Variants in SLC16A1 observed in about 807,000 individuals in gnomAD.
SLC16A1 encodes the protein solute carrier family 16 member 1, also known as monocarboxylate transporter 1.
Under a neutral mutation model 32.2 loss-of-function variants are expected in SLC16A1, and 11 were observed. That is an observed-to-expected ratio of 0.34 (90% CI 0.21 to 0.56). The LOEUF (loss-of-function observed/expected upper bound fraction) is 0.56, where lower values mean the gene tolerates loss of function less well. Among genes scored for constraint, SLC16A1 ranks in the 20% least tolerant of loss-of-function variants. The probability of loss-of-function intolerance (pLI) is 0.87; values close to 1 mark genes in which losing one functional copy is unlikely to be tolerated. For missense variants in SLC16A1, 435 were observed against 615.0 expected, an observed-to-expected ratio of 0.71 and a Z score of 3.10; for synonymous variants, 231 against 226.8, an observed-to-expected ratio of 1.02 and a Z score of -0.17.
At chr1:112,918,131 G>A in intron 3 of SLC16A1, 87 bp from the exon 4 acceptor site, 2 of 1,010,740 alleles carry the variant, frequency 2.0e-6, no homozygotes, top group Non-Finnish European at 2.5e-6. Context: ...GGAAGGAATA[G>A]GATATAAATC....
chr1:112,936,906 G>T (rs975768413), intron 1 of SLC16A1, among the ~76,000 whole-genome samples: 8 of 152,090 alleles, frequency 5.3e-5, no homozygotes, highest in African/African-American at 1.9e-4. Context: ...CTAGGATTTG[G>T]GTGAGATAAA....
Position 112,930,329 on chromosome 1 carries a change from GA to G in SLC16A1, c.-44-978del, listed in dbSNP as rs545076425. ...CTACAATTGCTTGGTATATGTGGGG[GA>G]AAAAAACCCCCACACTTCTGGTTAC... is the stretch of plus-strand genomic sequence containing the variant. On this transcript the variant is annotated intron_variant, in intron 1 of 4. Transcript: ENST00000369626. Among the ~76,000 whole-genome samples, 1,078 of 152,006 alleles carry G rather than the reference GA, an allele frequency of 7.1e-3. 5 individuals are homozygous for G. Among genetic ancestry groups the G allele is most frequent in the Non-Finnish European group, 8.3e-3 (561 of 67,956 alleles).
intron 2 of SLC16A1, among the ~76,000 whole-genome samples, chr1:112,926,694 C>T (rs1378124923): frequency 6.6e-6 from 1 of 151,946 alleles, no homozygotes. Flanking sequence ...GGCAACATTG[C>T]AACAACCCAT....
chr1:112,944,692 A>G (rs1366724491), intron 1 of SLC16A1, among the ~76,000 whole-genome samples: 1 of 152,154 alleles, frequency 6.6e-6, no homozygotes, highest in Non-Finnish European at 1.5e-5. Flanking sequence ...TTCCATTAAT[A>G]TCAGAAACTT....
chr1:112,924,255 G>C (rs181535539), intron 2 of SLC16A1: 1 of 1,499,178 alleles, frequency 6.7e-7, no homozygotes, highest in East Asian at 2.3e-5. Context: ...GGCAGCGGCA[G>C]AGGAAGGGCC....
intron 3 of SLC16A1, 36 bp from the exon 4 acceptor site, chr1:112,918,080 A>C: frequency 9.0e-7 from 1 of 1,113,914 alleles, no homozygotes; most frequent in Non-Finnish European, 1.1e-6. Flanking sequence ...AAATAAATAA[A>C]TAAATAAATA....
chr1:112,928,948 T>C (rs1262428097), intron 2 of SLC16A1, 144 bp downstream of exon 2: 2 of 656,618 alleles, frequency 3.0e-6, no homozygotes, highest in Non-Finnish European at 5.3e-6. Flanking sequence ...GAATGAAAAA[T>C]GTGACTCTAA....
chr1:112,952,586 G>T (rs1347022653), intron 1 of SLC16A1, among the ~76,000 whole-genome samples: 1 of 152,148 alleles, frequency 6.6e-6, no homozygotes, highest in African/African-American at 2.4e-5. Flanking sequence ...TTATCTTTCA[G>T]ATATCTATAT....
intron 2 of SLC16A1, chr1:112,924,209 G>C: frequency 6.6e-7 from 1 of 1,516,768 alleles, no homozygotes; most frequent in Non-Finnish European, 9.2e-7. Context: ...CAGTCATCCT[G>C]GGCATGTCCA....
At chr1:112,924,185 T>C (rs980919345) in intron 2 of SLC16A1, 2 of 1,505,402 alleles carry the variant, frequency 1.3e-6, no homozygotes, top group African/African-American at 2.8e-5. Context: ...AGCTGCAGGG[T>C]GCCCACGGGG....
At chr1:112,931,962 G>A (rs777627654) in intron 1 of SLC16A1, among the ~76,000 whole-genome samples, 1 of 152,108 alleles carries the variant, frequency 6.6e-6, no homozygotes, top group Non-Finnish European at 1.5e-5. Context: ...GAGATGACAA[G>A]TTCACTCTTG....
intron 2 of SLC16A1, among the ~76,000 whole-genome samples, chr1:112,922,911 G>A (rs544219153): frequency 6.6e-6 from 1 of 152,278 alleles, no homozygotes; most frequent in East Asian, 1.9e-4. Flanking sequence ...AATGTGGTTT[G>A]TGGTGTTGTG....
chr1:112,949,198 C>T (rs778039723), intron 1 of SLC16A1, among the ~76,000 whole-genome samples: 119 of 151,912 alleles, frequency 7.8e-4, no homozygotes, highest in Non-Finnish European at 1.4e-3. Flanking sequence ...TACAGGCATG[C>T]GTCACCATGC....
At chr1:112,926,106 T>C (rs1648931498) in intron 2 of SLC16A1, among the ~76,000 whole-genome samples, 1 of 152,238 alleles carries the variant, frequency 6.6e-6, no homozygotes, top group Non-Finnish European at 1.5e-5. Context: ...GCAGTGATCA[T>C]GATACTGGTG....
At chr1:112,926,652 T>C (rs984132734) in intron 2 of SLC16A1, among the ~76,000 whole-genome samples, 8 of 152,128 alleles carry the variant, frequency 5.3e-5, no homozygotes, top group Admixed American at 3.3e-4. Flanking sequence ...GGTGGGCAGA[T>C]TGTTTGAGCC....
In SLC16A1 at chr1:112,917,851, T is replaced by C; in HGVS notation, c.555A>G (p.Leu185=). 1 of 1,613,060 alleles carries C rather than the reference T, an allele frequency of 6.2e-7. No homozygotes were observed. The change falls in exon 4 of 5, where the codon CTA becomes CTG. Residue 185 remains leucine, a synonymous_variant. Coordinates refer to ENST00000369626, the MANE Select transcript of SLC16A1 (RefSeq NM_003051.4). The surrounding 1 kb of genome is among the most constrained non-coding windows in gnomAD (Gnocchi z 4.1). ...RGSFLILGGL[L]LNCCVAGALM... ...GGGCTCCAGCAACACAGCAGTTTAG[T>C]AGCAAGCCCCCAAGAATTAGAAAGC... is the stretch of plus-strand genomic sequence containing the variant.
chr1:112,952,170 T>C (rs1035747086), intron 1 of SLC16A1, among the ~76,000 whole-genome samples: 2 of 152,202 alleles, frequency 1.3e-5, no homozygotes, highest in Non-Finnish European at 2.9e-5. Flanking sequence ...CATATTAAAC[T>C]AGGACATGTT....
intron 2 of SLC16A1, among the ~76,000 whole-genome samples, chr1:112,922,700 G>T (rs1369209253): frequency 1.3e-5 from 2 of 151,990 alleles, no homozygotes; most frequent in Admixed American, 1.3e-4. Context: ...GCTTGAACCT[G>T]GGAGGTGGAG....
Position 112,921,965 on chromosome 1 carries a change from T to C in SLC16A1, c.361+25A>G, listed in dbSNP as rs771923718. On this transcript the variant is annotated intron_variant, in intron 3 of 4. Transcript: ENST00000369626. ...AAATAGCCAGCCATAAACTAATGCT[T>C]CCAAATGAATCAGTAGTAACTCACC... The C allele has an allele frequency of 6.8e-6, 11 of 1,613,734 alleles. No homozygotes were observed. In the Admixed American group the frequency reaches 1.0e-4, roughly 15 times the overall value.
Sources: allele counts gnomAD v4.1 joint callset (sites outside exome capture counted in the v4.1 genomes callset), GRCh38; gene constraint gnomAD v4.1.1; non-coding constraint Gnocchi (gnomAD v3.1); transcripts MANE v1.5; gene names NCBI Gene and HGNC (gene_info 2026-07-23, HGNC 2026-07-21).